PEX5: variants seen among roughly 807,000 people sequenced by gnomAD.
PEX5 encodes peroxisomal biogenesis factor 5, also known as PTS1 receptor.
Under a neutral mutation model 82.9 loss-of-function variants are expected in PEX5, and 52 were observed. That is an observed-to-expected ratio of 0.63 (90% confidence interval 0.50 to 0.79). The LOEUF is 0.79. Ranked by LOEUF, PEX5 falls within the 30% of genes least tolerant of loss-of-function variation. PEX5 has a pLI of 0.00. For synonymous variants in PEX5, 300 were observed against 318.8 expected (o/e 0.94, Z 0.63); for missense variants, 719 against 815.2 (o/e 0.88, Z 1.44).
intron 6 of PEX5, among the ~76,000 whole-genome samples, chr12:7,201,350 T>TAG (rs1274762855): frequency 3.0e-5 from 3 of 100,054 alleles, no homozygotes; most frequent in African/African-American, 1.1e-4. Flanking sequence ...TATATACATA[T>TAG]CAGCTATATT....
intron 5 of PEX5, among the ~76,000 whole-genome samples, chr12:7,197,117 G>GTAA (rs1240058895): frequency 1.9e-5 from 1 of 52,054 alleles, no homozygotes; most frequent in Non-Finnish European, 4.4e-5. Flanking sequence ...GTCATATAAT[G>GTAA]TAATAATATA....
intron 10 of PEX5, 33 bp from the exon 11 acceptor site, chr12:7,207,624 CCT>C (rs748085389): frequency 6.2e-7 from 1 of 1,612,012 alleles, no homozygotes; most frequent in South Asian, 1.1e-5. Context: ...GACGGTGCCA[CCT>C]CTCAGTCCAT....
chr12:7,197,839 G>T (rs1253155800), intron 5 of PEX5, among the ~76,000 whole-genome samples: 2 of 152,170 alleles, frequency 1.3e-5, no homozygotes, highest in East Asian at 3.8e-4. Flanking sequence ...ATGCAAATTG[G>T]AGTTAGTAGG....
chr12:7,211,290 C>A lies in PEX5; in HGVS notation c.*1067C>A, dbSNP rs1402899755. The A allele has an allele frequency of 6.6e-6, 1 of 152,458 alleles. No homozygotes were observed. Among genetic ancestry groups the A allele is most frequent in the Non-Finnish European group, 1.5e-5 (1 of 68,022 alleles). The allele number at this position is 152,458 out of a possible 1,614,324, so 9.4% of individuals were successfully genotyped here. On this transcript the variant is annotated 3_prime_UTR_variant, in exon 16 of 16. Transcript: ENST00000675855. The stretch of plus-strand genomic sequence containing the variant: ...CCCCTGCATGGGGAGATACACTAAC[C>A]CCCAGAAATGACTGCTAAGCCTCTT...
In PEX5 at chr12:7,210,849, G is replaced by C. The variant is rs759687929; in HGVS notation, c.*626G>C. ...GCAATAGTCCTGTGTCATCACTGCAGCGGTCCTCAGGAGCTGCCAGGGCCA... is the reference window on the plus strand; with the variant it reads ...GCAATAGTCCTGTGTCATCACTGCACCGGTCCTCAGGAGCTGCCAGGGCCA... On this transcript the variant is annotated 3_prime_UTR_variant, in exon 16 of 16. Coordinates refer to ENST00000675855, the MANE Select transcript of PEX5 (RefSeq NM_001351132.2). The C allele has an allele frequency of 6.9e-5, 12 of 175,172 alleles. No individual in the cohort carries two copies. The highest frequency in any genetic ancestry group is 2.6e-4 in the African/African-American group (11 of 42,114). 10.9% of individuals were successfully genotyped at this position (175,172 alleles called of 1,614,324 possible).
At position 7,209,947 on chromosome 12, in the gene PEX5, C is replaced by T. The variant is rs1945338228; in HGVS notation, c.1719-75C>T. ...TGACTAACCAGCCCTAGCTTTCTCC[C>T]TCCCACTGCTAGCTGACCTGCTTCC... On this transcript the variant is annotated intron_variant, in intron 15 of 15. Transcript: ENST00000675855. 4.4e-6 allele frequency: 7 copies of T among 1,592,942 alleles called. No homozygotes were observed. In the South Asian group the frequency reaches 6.7e-5, roughly 15 times the overall value.
rs1942612575 is a variant in PEX5, at chr12:7,197,144, A to ATTATATATGTCATATATAATG, written c.449-1866_449-1865insTATATATGTCATATATAATGT. 1.8e-3 allele frequency among the ~76,000 whole-genome samples: 10 copies of ATTATATATGTCATATATAATG among 5,702 alleles called. 1 individual carries two copies. The highest frequency in any genetic ancestry group is 7.0e-3 in the East Asian group (1 of 142). The allele number at this position is 5,702 out of a possible 152,430, so 3.7% of individuals were successfully genotyped here. A position where few individuals can be genotyped will look rare whatever the true frequency, so the allele number is the denominator to read the frequency against. On this transcript the variant is annotated intron_variant, in intron 5 of 15. Coordinates refer to ENST00000675855, the MANE Select transcript of PEX5 (RefSeq NM_001351132.2). ...AATAATATATGTCATATATAATGTA[A>ATTATATATGTCATATATAATG]TAATTATATATGTCATATATAATGT...
Position 7,209,034 on chromosome 12 carries a change from TC to T in PEX5, c.1426del (p.Leu476TrpfsTer25). 1 of 1,614,172 alleles carries T rather than the reference TC, an allele frequency of 6.2e-7. No homozygotes were observed. The highest frequency in any genetic ancestry group is 8.5e-7 in the Non-Finnish European group (1 of 1,180,010). ...DSLFLEVKEL[F>X]LAAVRLDPTS... is the part of the protein sequence containing the mutation. ...CTGTTTCTTGAAGTGAAAGAGCTCT[TC>T]CTGGCAGCTGTGCGGCTGGACCCTA... On this transcript the variant is annotated frameshift_variant, in exon 14 of 16. Transcript: ENST00000675855. LOFTEE classifies it high-confidence loss of function.
At chr12:7,189,212 TGAA>T (rs999429333), upstream of PEX5, 2 of 152,230 alleles carry the variant, frequency 1.3e-5, no homozygotes, top group Non-Finnish European at 2.9e-5. Context: ...CCTAGGAGGC[TGAA>T]GAAGGCTTCG....
At chr12:7,189,976 G>T (rs1940656454) in intron 1 of PEX5, 1 of 1,499,380 alleles carries the variant, frequency 6.7e-7, no homozygotes, top group South Asian at 1.3e-5. Flanking sequence ...GCTGCGCGGG[G>T]CTAGGTATGG....
chr12:7,203,968 T>A (rs772398725), intron 10 of PEX5, among the ~76,000 whole-genome samples: 28 of 142,164 alleles, frequency 2.0e-4, no homozygotes, highest in East Asian at 1.2e-3. Context: ...ACTCACATAT[T>A]CATTTTAAGT....
chr12:7,200,895 A>G (rs1943802630), intron 6 of PEX5, among the ~76,000 whole-genome samples: 1 of 149,196 alleles, frequency 6.7e-6, no homozygotes, highest in African/African-American at 2.6e-5. Flanking sequence ...AGAGGGGGAG[A>G]GAGACCGTAG....
chr12:7,213,836 G>T (rs1945699279), downstream of PEX5, among the ~76,000 whole-genome samples: 1 of 150,520 alleles, frequency 6.6e-6, no homozygotes, highest in Admixed American at 6.6e-5. Flanking sequence ...ATCTGACAAA[G>T]GGCTAATATC....
downstream of PEX5, chr12:7,211,606 A>ATGAT (rs951999273): frequency 9.9e-5 from 15 of 152,156 alleles, no homozygotes; most frequent in South Asian, 2.1e-4. Flanking sequence ...CCCTCTAAAA[A>ATGAT]TGATAGAGCA....
At position 7,209,123 on chromosome 12, in the gene PEX5, G is replaced by A. The variant is rs775935095; in HGVS notation, c.1513G>A (p.Asp505Asn). 1.2e-5 allele frequency: 19 copies of A among 1,614,014 alleles called. No individual in the cohort carries two copies. The highest frequency in any genetic ancestry group is 1.5e-5 in the Non-Finnish European group (18 of 1,180,024). Residue 505 changes from aspartate (D) to asparagine (N), a missense_variant, in exon 14 of 16, where the codon GAC (aspartate) becomes AAC (asparagine). Transcript: ENST00000675855. ...GVLFNLSGEYDKAVDCFTAAL... is the reference protein window; with the variant it reads ...GVLFNLSGEYNKAVDCFTAAL... ...CCTTTTCAACCTGAGTGGGGAGTAT[G>A]ACAAGGCCGTGGACTGCTTCACAGC...
intron 6 of PEX5, among the ~76,000 whole-genome samples, chr12:7,201,432 C>T (rs181170644): frequency 9.5e-4 from 145 of 152,094 alleles, no homozygotes; most frequent in African/African-American, 3.0e-3. Context: ...TTTCAAGAAT[C>T]CTAACTATCC....
chr12:7,202,390 G>C (rs761010749), intron 8 of PEX5, 39 bp downstream of exon 8: 2 of 1,611,420 alleles, frequency 1.2e-6, no homozygotes, highest in East Asian at 4.5e-5. Flanking sequence ...TTCAGAGCCA[G>C]CTGATGCCCC....
intron 3 of PEX5, 72 bp from the exon 4 acceptor site, chr12:7,191,154 C>T (rs1378053616): frequency 6.4e-7 from 1 of 1,556,308 alleles, no homozygotes; most frequent in Non-Finnish European, 8.9e-7. Flanking sequence ...TGGGATCCCC[C>T]TCCAGTGGGT....
Position 7,210,289 on chromosome 12 carries a change from T to C in PEX5, c.*66T>C. 1.3e-6 allele frequency: 2 copies of C among 1,497,956 alleles called. No individual in the cohort carries two copies. Among genetic ancestry groups the C allele is most frequent in the Middle Eastern group, 1.7e-4 (1 of 5,866 alleles). The allele number at this position is 1,497,956 out of a possible 1,614,324, so 92.8% of individuals were successfully genotyped here. On this transcript the variant is annotated 3_prime_UTR_variant, in exon 16 of 16. Transcript: ENST00000675855. ...TCCCCGCTTTGGATGTGATTCCCTC[T>C]CCCCAAATGGGCCTACCAAGGGGGC...
Sources: allele counts gnomAD v4.1 joint callset (sites outside exome capture counted in the v4.1 genomes callset), GRCh38; gene constraint gnomAD v4.1.1; transcripts MANE v1.5; gene names NCBI Gene and HGNC (gene_info 2026-07-23, HGNC 2026-07-21).